TBX1: variants seen among roughly 807,000 people sequenced by gnomAD.
TBX1 encodes the protein T-box transcription factor TBX1.
TBX1 carries 16 observed loss-of-function variants against 40.8 expected under a neutral mutation model. That is an observed-to-expected ratio of 0.39 (90% CI 0.27 to 0.60). The LOEUF (loss-of-function observed/expected upper bound fraction) is 0.60. TBX1 is among the 20% of genes least tolerant of loss of function. TBX1 has a pLI of 0.51. For synonymous variants in TBX1, 403 were observed against 336.8 expected, an observed-to-expected ratio of 1.20 and a Z score of -2.15; for missense variants, 755 against 728.5, an observed-to-expected ratio of 1.04 and a Z score of -0.42.
intron 4 of TBX1, 130 bp from the exon 5 acceptor site, chr22:19,765,627 TG>T: frequency 1.0e-6 from 1 of 989,220 alleles, no homozygotes; most frequent in Non-Finnish European, 1.5e-6. Flanking sequence ...GGGGCAGACG[TG>T]GACTGGTTCT....
intron 8 of TBX1, chr22:19,779,195 C>T (rs560958176): frequency 2.5e-6 from 4 of 1,612,936 alleles, no homozygotes; most frequent in Non-Finnish European, 2.5e-6. Flanking sequence ...TTCATCCACT[C>T]TCATTGGATG....
chr22:19,771,167 C>T (rs571917502), downstream of TBX1, among the ~76,000 whole-genome samples: 7 of 152,216 alleles, frequency 4.6e-5, no homozygotes, highest in East Asian at 1.9e-4. Context: ...CTTCACCCCC[C>T]GCCCTGAAGG....
chr22:19,779,776 T>C (rs1937120439), downstream of TBX1, among the ~76,000 whole-genome samples: 1 of 152,232 alleles, frequency 6.6e-6, no homozygotes, highest in South Asian at 2.1e-4. Context: ...CTGAAAGCAG[T>C]AGCTGTGCTT....
downstream of TBX1, chr22:19,782,927 G>A (rs1430112061): frequency 1.2e-6 from 2 of 1,611,790 alleles, no homozygotes; most frequent in South Asian, 1.1e-5. Context: ...GGTCACAGAA[G>A]GCTCTGGGCT....
downstream of TBX1, among the ~76,000 whole-genome samples, chr22:19,768,953 C>CCTTTTTTTTTTTTTT (rs1936939332): frequency 6.0e-5 from 4 of 66,128 alleles, no homozygotes; most frequent in African/African-American, 2.0e-4. Context: ...TGTTCGCATT[C>CCTTTTTTTTTTTTTT]TTTTTTTTTT....
chr22:19,765,648 A>T (rs1218249502), intron 4 of TBX1, 110 bp from the exon 5 acceptor site: 1 of 1,207,338 alleles, frequency 8.3e-7, no homozygotes, highest in Non-Finnish European at 1.2e-6. Context: ...TTGTCAGGGC[A>T]GCAGAAAGGC....
chr22:19,763,096 G>A lies in TBX1; in HGVS notation c.438-145G>A. On this transcript the variant is annotated intron_variant, in intron 1 of 6. Coordinates refer to ENST00000649276, the MANE Select transcript of TBX1 (RefSeq NM_001379200.1). Reference sequence around the variant, plus strand: ...GCCCAGATTAGAGCAGCTAAGCCAGGAAAGATGGAGCCCAAGGGCTGGGAC... The same window carrying A: ...GCCCAGATTAGAGCAGCTAAGCCAGAAAAGATGGAGCCCAAGGGCTGGGAC... 4.2e-6 allele frequency: 3 copies of A among 709,544 alleles called. No homozygotes were observed. In the South Asian group the frequency reaches 4.6e-5, roughly 11 times the overall value. The allele number at this position is 709,544 out of a possible 1,614,324, so 44.0% of individuals were successfully genotyped here. A position where few individuals can be genotyped will look rare whatever the true frequency, so the allele number is the denominator to read the frequency against.
chr22:19,777,874 C>T (rs1423083953), intron 8 of TBX1, among the ~76,000 whole-genome samples: 1 of 151,588 alleles, frequency 6.6e-6, no homozygotes, highest in East Asian at 1.9e-4. Context: ...ATCCTCTTAC[C>T]TCAACCTCCC....
Position 19,766,646 on chromosome 22 carries a change from T to C in TBX1, c.1294T>C (p.Tyr432His). 1 of 1,552,904 alleles carries C rather than the reference T, an allele frequency of 6.4e-7. No individual in the cohort carries two copies. The highest frequency in any genetic ancestry group is 1.2e-5 in the South Asian group (1 of 86,426). Residue 432 changes from tyrosine (Y) to histidine (H), a missense_variant, in exon 7 of 7, where the codon TAC (tyrosine) becomes CAC (histidine). Around this residue, in one of 3 missense-constraint regions of TBX1, gnomAD observed 412 missense variants for 317.6 expected, o/e 1.30. Transcript: ENST00000649276. ...HHPYKYPAAAYDHYLGAKSRP... is the reference protein window; with the variant it reads ...HHPYKYPAAAHDHYLGAKSRP... ...CCCCTACAAATATCCGGCCGCCGCC[T>C]ACGACCACTATCTCGGGGCCAAGAG...
chr22:19,772,420 C>T (rs951183378), intron 8 of TBX1, among the ~76,000 whole-genome samples: 2 of 152,180 alleles, frequency 1.3e-5, no homozygotes, highest in African/African-American at 4.8e-5. Context: ...ATCCTCCAGA[C>T]TCAGCCTCCT....
chr22:19,765,711 C>T (rs757196973), intron 4 of TBX1, 47 bp from the exon 5 acceptor site: 3 of 1,606,810 alleles, frequency 1.9e-6, no homozygotes, highest in African/African-American at 2.7e-5. Flanking sequence ...GTCGGGTGGC[C>T]CAGGCTGCAG....
At chr22:19,777,051 A>AT (rs1937076492) in intron 8 of TBX1, among the ~76,000 whole-genome samples, 1 of 149,792 alleles carries the variant, frequency 6.7e-6, no homozygotes, top group Non-Finnish European at 1.5e-5. Context: ...TTTTTAAAAA[A>AT]TTTTAATTTA....
intron 8 of TBX1, among the ~76,000 whole-genome samples, chr22:19,775,900 C>T (rs541805797): frequency 6.4e-4 from 97 of 152,242 alleles, no homozygotes; most frequent in African/African-American, 2.1e-3. Context: ...AGGTGGGCTT[C>T]GAGGGTGGCT....
exon 9 of TBX1, chr22:19,779,269 C>T (rs1232811605): frequency 6.2e-7 from 1 of 1,614,256 alleles, no homozygotes; most frequent in Non-Finnish European, 8.5e-7. Context: ...CGTCTAGGAA[C>T]ACACCAGAGA....
chr22:19,766,765 C>CGCCGCG lies in TBX1; in HGVS notation c.1419_1424dup (p.Ala484_Ala485dup), dbSNP rs1478207118. The CGCCGCG allele has an allele frequency of 2.7e-6, 4 of 1,470,018 alleles. No individual in the cohort carries two copies. Among genetic ancestry groups the CGCCGCG allele is most frequent in the East Asian group, 2.8e-5 (1 of 35,942 alleles). 91.1% of individuals were successfully genotyped at this position (1,470,018 alleles called of 1,614,324 possible). A position where few individuals can be genotyped will look rare whatever the true frequency, so the allele number is the denominator to read the frequency against. On this transcript the variant is annotated inframe_insertion, in exon 7 of 7. Coordinates refer to ENST00000649276, the MANE Select transcript of TBX1 (RefSeq NM_001379200.1). ...ACCACCACCACCCCGTGAGTCCAGC[C>CGCCGCG]GCCGCGGCCGCCGCCGCCGCTGCCG...
intron 2 of TBX1, chr22:19,763,636 AAGTCTCCCTCTCCCAGG>A (rs1332804446): frequency 6.3e-6 from 3 of 473,384 alleles, no homozygotes; most frequent in African/African-American, 2.0e-5. Context: ...GGACTTCTTC[AAGTCTCCCTCTCCCAGG>A]AGGCCGGCCT....
Position 19,766,671 on chromosome 22 carries a change from G to T in TBX1, c.1319G>T (p.Ser440Ile). 6.5e-7 allele frequency: 1 copy of T among 1,550,048 alleles called. No homozygotes were observed. Among genetic ancestry groups the T allele is most frequent in the South Asian group, 1.2e-5 (1 of 86,384 alleles). ...AAYDHYLGAK[S>I]RPAPYPLPGL... Reference sequence around the variant, plus strand: ...TACGACCACTATCTCGGGGCCAAGAGCCGGCCGGCGCCCTACCCGCTGCCC... The same window carrying T: ...TACGACCACTATCTCGGGGCCAAGATCCGGCCGGCGCCCTACCCGCTGCCC... Residue 440 changes from serine (S) to isoleucine (I), a missense_variant, in exon 7 of 7, where the codon AGC becomes ATC. Coordinates refer to ENST00000649276, the MANE Select transcript of TBX1 (RefSeq NM_001379200.1).
downstream of TBX1, among the ~76,000 whole-genome samples, chr22:19,770,282 G>A (rs986870665): frequency 6.6e-6 from 1 of 152,180 alleles, no homozygotes; most frequent in East Asian, 1.9e-4. Flanking sequence ...TTGACTAAGC[G>A]GGGGTGGGGA....
chr22:19,764,057 G>C, intron 2 of TBX1, 98 bp from the exon 3 acceptor site: 3 of 1,395,608 alleles, frequency 2.1e-6, no homozygotes, highest in Non-Finnish European at 3.0e-6. Flanking sequence ...CACAGGTGGG[G>C]AAACTTCTCA....
Sources: gnomAD v4.1 joint callset for allele counts (sites outside exome capture counted in the v4.1 genomes callset) on GRCh38, gnomAD v4.1.1 for gene constraint, gnomAD v4.1.1 regional missense constraint, MANE v1.5 for transcripts, NCBI Gene and HGNC (gene_info 2026-07-23, HGNC 2026-07-21) for gene names.